Variants in SYT10 observed in about 807,000 individuals in gnomAD.
The protein encoded by SYT10 is synaptotagmin-10.
Under a neutral mutation model 51.1 loss-of-function variants are expected in SYT10, and 31 were observed. That is an observed-to-expected ratio of 0.61 (90% CI 0.46 to 0.82). The LOEUF (loss-of-function observed/expected upper bound fraction) is 0.82, where lower values mean the gene tolerates loss of function less well. Among genes scored for constraint, SYT10 ranks in the 40% least tolerant of loss-of-function variants. The pLI is 0.00. For synonymous variants in SYT10, 233 were observed against 225.9 expected (o/e 1.03, Z -0.28); for missense variants, 603 against 634.0 (o/e 0.95, Z 0.53).
intron 3 of SYT10, among the ~76,000 whole-genome samples, chr12:33,394,030 T>C (rs1353694080): frequency 6.6e-6 from 1 of 152,182 alleles, no homozygotes; most frequent in Non-Finnish European, 1.5e-5. Context: ...GTAAGATCCT[T>C]GCTCCTCCCT....
chr12:33,380,402 A>G (rs1186328211), intron 5 of SYT10, among the ~76,000 whole-genome samples: 3 of 152,118 alleles, frequency 2.0e-5, no homozygotes, highest in Non-Finnish European at 4.4e-5. Flanking sequence ...ATTTTCTTTA[A>G]TTGACTCTAA....
At chr12:33,435,616 T>C (rs1430636469) in intron 1 of SYT10, among the ~76,000 whole-genome samples, 3 of 152,208 alleles carry the variant, frequency 2.0e-5, no homozygotes, top group Admixed American at 1.3e-4. Context: ...TGTTTGTGAA[T>C]TGGAATTCTT....
chr12:33,426,092 A>G (rs201619127), intron 2 of SYT10, 46 bp downstream of exon 2: 9 of 1,498,114 alleles, frequency 6.0e-6, no homozygotes, highest in African/African-American at 1.4e-5. Flanking sequence ...ACACACACAC[A>G]CACACACGCA....
At chr12:33,417,424 C>A (rs2138424949) in intron 2 of SYT10, among the ~76,000 whole-genome samples, 1 of 152,300 alleles carries the variant, frequency 6.6e-6, no homozygotes, top group South Asian at 2.1e-4. Flanking sequence ...AGAGTCCTCA[C>A]CGGCAAGAAG....
At chr12:33,412,973 T>C (rs1415279578) in intron 2 of SYT10, among the ~76,000 whole-genome samples, 3 of 152,058 alleles carry the variant, frequency 2.0e-5, no homozygotes, top group Non-Finnish European at 2.9e-5. Context: ...ATAACCAGTG[T>C]ATAGAAGTCC....
At chr12:33,424,687 A>T (rs867185083) in intron 2 of SYT10, among the ~76,000 whole-genome samples, 2 of 151,650 alleles carry the variant, frequency 1.3e-5, no homozygotes, top group African/African-American at 4.8e-5. Flanking sequence ...TAAAACATGT[A>T]AAAAAAAGTG....
At chr12:33,431,741 C>T (rs765474371) in intron 1 of SYT10, among the ~76,000 whole-genome samples, 13 of 152,076 alleles carry the variant, frequency 8.5e-5, no homozygotes, top group Non-Finnish European at 1.6e-4. Flanking sequence ...AGAATAAGTC[C>T]AAGTGGCTTA....
At chr12:33,404,475 T>G (rs930190400) in intron 3 of SYT10, among the ~76,000 whole-genome samples, 1 of 152,168 alleles carries the variant, frequency 6.6e-6, no homozygotes, top group African/African-American at 2.4e-5. Context: ...CACTGCGACC[T>G]CCGCCTCCCG....
chr12:33,394,945 G>A (rs1387661435), intron 3 of SYT10, among the ~76,000 whole-genome samples: 7 of 152,096 alleles, frequency 4.6e-5, no homozygotes, highest in Non-Finnish European at 7.4e-5. Context: ...AAAATTAGCC[G>A]GGCGTGGTGG....
At chr12:33,426,579 GTTA>G in intron 1 of SYT10, 84 bp from the exon 2 acceptor site, 2 of 1,153,428 alleles carry the variant, frequency 1.7e-6, no homozygotes, top group Non-Finnish European at 2.4e-6. Context: ...CATCATAATT[GTTA>G]TTATTTCCTG....
At chr12:33,398,386 G>A (rs1156542962) in intron 3 of SYT10, among the ~76,000 whole-genome samples, 2 of 151,770 alleles carry the variant, frequency 1.3e-5, no homozygotes, top group Non-Finnish European at 2.9e-5. Flanking sequence ...GGTGGTGGGC[G>A]CCTGTAGTCA....
intron 6 of SYT10, among the ~76,000 whole-genome samples, chr12:33,377,282 C>T: frequency 6.6e-6 from 1 of 152,136 alleles, no homozygotes; most frequent in Non-Finnish European, 1.5e-5. Context: ...AAGCGATTCT[C>T]TTGCCTCAGC....
At chr12:33,403,617 T>C (rs935066218) in intron 3 of SYT10, among the ~76,000 whole-genome samples, 25 of 152,198 alleles carry the variant, frequency 1.6e-4, no homozygotes, top group Non-Finnish European at 1.0e-4. Context: ...TTTGCCTCTG[T>C]AGGTTTCCGC....
At chr12:33,427,319 G>A (rs1267175244) in intron 1 of SYT10, among the ~76,000 whole-genome samples, 1 of 152,108 alleles carries the variant, frequency 6.6e-6, no homozygotes, top group East Asian at 1.9e-4. Flanking sequence ...ACCAGGAAAT[G>A]GGCCGATGGG....
intron 1 of SYT10, among the ~76,000 whole-genome samples, chr12:33,429,085 G>A (rs1475675871): frequency 6.6e-6 from 1 of 152,148 alleles, no homozygotes; most frequent in Non-Finnish European, 1.5e-5. Context: ...TCAGAATGGT[G>A]AGAAGGAATC....
chr12:33,409,525 T>C (rs1298171784), intron 2 of SYT10, among the ~76,000 whole-genome samples: 1 of 151,472 alleles, frequency 6.6e-6, no homozygotes, highest in Non-Finnish European at 1.5e-5. Flanking sequence ...TTTCTTTTTT[T>C]TTTTTTGAGA....
In SYT10 at chr12:33,407,053, C is replaced by T. The variant is rs377568629; in HGVS notation, c.813G>A (p.Val271=). The T allele has an allele frequency of 6.2e-7, 1 of 1,614,036 alleles. No individual in the cohort carries two copies. The highest frequency in any genetic ancestry group is 1.3e-5 in the African/African-American group (1 of 74,924). The change falls in exon 3 of 7, where the codon GTG becomes GTA. Residue 271 remains valine, a synonymous_variant. Coordinates refer to ENST00000228567, the MANE Select transcript of SYT10 (RefSeq NM_198992.4). ...KDFTGTSDPY[V]KMYLLPDRKK... ...TCCTATCTGGAAGAAGATACATCTT[C>T]ACATAAGGGTCAGAAGTTCCTGTGA...
chr12:33,412,593 A>G (rs187622621), intron 2 of SYT10, among the ~76,000 whole-genome samples: 1 of 152,266 alleles, frequency 6.6e-6, no homozygotes, highest in East Asian at 1.9e-4. Context: ...AAAAACCGCA[A>G]TTACTTTTGC....
chr12:33,390,790 C>G (rs1336887078), intron 3 of SYT10, among the ~76,000 whole-genome samples: 2 of 152,142 alleles, frequency 1.3e-5, no homozygotes, highest in African/African-American at 4.8e-5. Context: ...ACACTGACGA[C>G]TAAGACACAA....
Sources: gnomAD v4.1 joint callset for allele counts (sites outside exome capture counted in the v4.1 genomes callset) on GRCh38, gnomAD v4.1.1 for gene constraint, MANE v1.5 for transcripts, NCBI Gene and HGNC (gene_info 2026-07-23, HGNC 2026-07-21) for gene names.